RANBP2: variants seen among roughly 807,000 people sequenced by gnomAD.
RANBP2 encodes RAN binding protein 2.
A neutral mutation model predicts 303.6 loss-of-function variants in RANBP2; 57 were observed. That is an observed-to-expected ratio of 0.19 (90% confidence interval 0.15 to 0.23). The LOEUF is 0.23. Among genes scored for constraint, RANBP2 ranks in the 10% least tolerant of loss-of-function variants. RANBP2 has a pLI of 1.00. For synonymous variants in RANBP2, 1,167 were observed against 1,301.5 expected, an observed-to-expected ratio of 0.90 and a Z score of 2.23; for missense variants, 3,138 against 3,780.8, an observed-to-expected ratio of 0.83 and a Z score of 4.46.
the RANBP2 span, among the ~76,000 whole-genome samples, chr2:109,638,324 C>G: frequency 6.6e-6 from 1 of 152,170 alleles, no homozygotes; most frequent in African/African-American, 2.4e-5. Context: ...GGGGTAAACA[C>G]TACGTTTGCT....
the RANBP2 span, among the ~76,000 whole-genome samples, chr2:109,272,162 A>G: frequency 6.6e-6 from 1 of 152,112 alleles, no homozygotes; most frequent in Non-Finnish European, 1.5e-5. Flanking sequence ...GAGGAATAAG[A>G]TGTACCCTTG....
the RANBP2 span, chr2:109,567,911 C>A: frequency 1.2e-6 from 2 of 1,613,976 alleles, no homozygotes; most frequent in Non-Finnish European, 1.7e-6. Flanking sequence ...TGAGCTTGAT[C>A]TTAAACTTCT....
the RANBP2 span, among the ~76,000 whole-genome samples, chr2:108,810,258 A>G: frequency 1.7e-4 from 26 of 152,316 alleles, no homozygotes; most frequent in South Asian, 4.1e-3. Context: ...TTCCCTGTTC[A>G]GTATGATGTT....
the RANBP2 span, among the ~76,000 whole-genome samples, chr2:109,482,736 C>G: frequency 6.6e-6 from 1 of 152,206 alleles, no homozygotes; most frequent in African/African-American, 2.4e-5. Flanking sequence ...GCTGCTTCCT[C>G]TCCTGCAGGA....
chr2:109,635,770 T>G, the RANBP2 span, among the ~76,000 whole-genome samples: 1 of 152,204 alleles, frequency 6.6e-6, no homozygotes, highest in African/African-American at 2.4e-5. Context: ...GGATTCCAAT[T>G]AGATGCCATG....
chr2:109,261,006 C>T, the RANBP2 span, among the ~76,000 whole-genome samples: 2 of 152,174 alleles, frequency 1.3e-5, no homozygotes, highest in African/African-American at 2.4e-5. Flanking sequence ...GAGAGCCTTT[C>T]CCTCCCTTTA....
chr2:109,152,503 C>T, the RANBP2 span, among the ~76,000 whole-genome samples: 6 of 152,152 alleles, frequency 3.9e-5, no homozygotes, highest in Non-Finnish European at 5.9e-5. Flanking sequence ...GCATTCAGAG[C>T]GAAAGCTCAT....
At chr2:108,927,767 T>A in the RANBP2 span, among the ~76,000 whole-genome samples, 1 of 152,056 alleles carries the variant, frequency 6.6e-6, no homozygotes, top group East Asian at 1.9e-4. Flanking sequence ...CATAGTCCCC[T>A]CAAATTCCAC....
At chr2:108,965,464 C>CA in the RANBP2 span, among the ~76,000 whole-genome samples, 46,494 of 137,310 alleles carry the variant, frequency 0.34, 11,715 homozygotes, top group East Asian at 0.91. Flanking sequence ...GATTTCGTCT[C>CA]AAAAAAAAAA....
the RANBP2 span, chr2:109,585,064 G>T: frequency 2.1e-6 from 2 of 940,972 alleles, no homozygotes; most frequent in Non-Finnish European, 3.1e-6. Context: ...AGTTCATGGG[G>T]CTATAAGGCG....
the RANBP2 span, among the ~76,000 whole-genome samples, chr2:109,115,086 G>GAA: frequency 2.0e-5 from 3 of 152,166 alleles, no homozygotes; most frequent in Non-Finnish European, 4.4e-5. Context: ...GTGTGGTGTG[G>GAA]TGCTGGAAAA....
At chr2:109,287,637 AG>A in the RANBP2 span, among the ~76,000 whole-genome samples, 1 of 152,078 alleles carries the variant, frequency 6.6e-6, no homozygotes, top group Non-Finnish European at 1.5e-5. Context: ...GGGAGGCGGG[AG>A]GGGAACTGTG....
chr2:108,729,731 T>C (rs1188056958), intron 2 of RANBP2, among the ~76,000 whole-genome samples: 1 of 151,734 alleles, frequency 6.6e-6, no homozygotes, highest in Non-Finnish European at 1.5e-5. Context: ...TTTTTTTTTT[T>C]TTTAGGCAGT....
At chr2:109,027,022 T>C in the RANBP2 span, among the ~76,000 whole-genome samples, 1 of 152,126 alleles carries the variant, frequency 6.6e-6, no homozygotes, top group Non-Finnish European at 1.5e-5. Flanking sequence ...AGTGGGCAGA[T>C]CACTTGAGGT....
chr2:109,246,997 C>G, the RANBP2 span, among the ~76,000 whole-genome samples: 200 of 152,366 alleles, frequency 1.3e-3, no homozygotes, highest in African/African-American at 4.4e-3. Context: ...TGGTTAGTCT[C>G]TTTCTGGTCG....
At chr2:109,726,757 C>G in the RANBP2 span, among the ~76,000 whole-genome samples, 2 of 152,144 alleles carry the variant, frequency 1.3e-5, no homozygotes, top group Non-Finnish European at 2.9e-5. Flanking sequence ...AGTGGGGAGC[C>G]ACACCCTCCG....
the RANBP2 span, chr2:108,846,606 G>A: frequency 4.4e-6 from 3 of 685,302 alleles, no homozygotes; most frequent in Admixed American, 3.2e-5. Flanking sequence ...GAGCCCAGGA[G>A]TTTGAGGCTG....
the RANBP2 span, among the ~76,000 whole-genome samples, chr2:109,112,003 G>A: frequency 1.3e-5 from 2 of 152,022 alleles, no homozygotes; most frequent in East Asian, 1.9e-4. Context: ...TGGTGTATAT[G>A]TGCCACATTT....
chr2:109,103,680 G>A, the RANBP2 span, among the ~76,000 whole-genome samples: 1 of 152,082 alleles, frequency 6.6e-6, no homozygotes, highest in Admixed American at 6.5e-5. Flanking sequence ...AATAGCAAAT[G>A]TTTCCTGTTC....
Sources: gnomAD v4.1 joint callset for allele counts (sites outside exome capture counted in the v4.1 genomes callset) on GRCh38, gnomAD v4.1.1 for gene constraint, MANE v1.5 for transcripts, NCBI Gene and HGNC (gene_info 2026-07-23, HGNC 2026-07-21) for gene names.